PRR30: variants seen among roughly 807,000 people sequenced by gnomAD.
PRR30 encodes proline-rich protein 30.
For missense variants in PRR30, 546 were observed against 525.3 expected (o/e 1.04, Z -0.39); for synonymous variants, 229 against 222.7 (o/e 1.03, Z -0.25).
Position 27,137,136 on chromosome 2 carries a change from C to A in PRR30, c.1194G>T (p.Lys398Asn). Residue 398 changes from lysine to asparagine, a missense_variant, in exon 3 of 3, where the codon AAG (lysine) becomes AAT (asparagine). Lys to Asn is a moderately conservative substitution (Grantham distance 94). Transcript: ENST00000335524. The surrounding 1 kb of genome is among the most constrained non-coding windows in gnomAD (Gnocchi z 4.3). ...GAATGAGCTCCAGAGAAACTGGCCTCTTTGGGCCAGGGCAAGGCCTGGGCT... is the reference window on the plus strand; with the variant it reads ...GAATGAGCTCCAGAGAAACTGGCCTATTTGGGCCAGGGCAAGGCCTGGGCT... ...SLKPRPCPGPKRPVSLELILQ... is the reference protein window; with the variant it reads ...SLKPRPCPGPNRPVSLELILQ... The A allele has an allele frequency of 6.2e-7, 1 of 1,614,170 alleles. No homozygotes were observed. The highest frequency in any genetic ancestry group is 1.1e-5 in the South Asian group (1 of 91,086).
In PRR30 at chr2:27,137,684, C is replaced by G; in HGVS notation, c.646G>C (p.Val216Leu). Residue 216 changes from valine (V) to leucine (L), a missense_variant, in exon 3 of 3, where the codon GTG becomes CTG. By Grantham distance (32) the Val-to-Leu change is conservative. Coordinates refer to ENST00000335524, the MANE Select transcript of PRR30 (RefSeq NM_178553.4). This position sits in a 1 kb window ranked among gnomAD's most constrained non-coding sequence, Gnocchi z 4.3. ...ATGCGGCGGTGCCCCAGCTGGACCA[C>G]CAGGGCCTGGGCCAGGGCCCCTGGG... ...RDPGALAQAL[V>L]VQLGHRRIAH... 1 of 1,613,258 alleles carries G rather than the reference C, an allele frequency of 6.2e-7. No individual in the cohort carries two copies. Among genetic ancestry groups the G allele is most frequent in the Non-Finnish European group, 8.5e-7 (1 of 1,179,942 alleles).
chr2:27,137,522 T>C lies in PRR30; in HGVS notation c.808A>G (p.Thr270Ala), dbSNP rs1395817229. ...SPSCPLPRYRTGPRLLAFPQL... is the reference protein window; with the variant it reads ...SPSCPLPRYRAGPRLLAFPQL... ...GGGAAAGCAAGCAGCCGGGGTCCAG[T>C]CCTGTACCTGGGGAGGGGGCAGGAG... Residue 270 changes from threonine (T) to alanine (A), a missense_variant, in exon 3 of 3, where the codon ACT becomes GCT. Coordinates refer to ENST00000335524, the MANE Select transcript of PRR30 (RefSeq NM_178553.4). This position sits in a 1 kb window ranked among gnomAD's most constrained non-coding sequence, Gnocchi z 4.3. The C allele has an allele frequency of 6.3e-7, 1 of 1,593,264 alleles. No individual in the cohort carries two copies.
Position 27,137,792 on chromosome 2 carries a change from G to T in PRR30, c.538C>A (p.Gln180Lys). 6.2e-7 allele frequency: 1 copy of T among 1,607,678 alleles called. No homozygotes were observed. The change falls in exon 3 of 3, where the codon CAG becomes AAG. Residue 180 changes from glutamine to lysine, a missense_variant. By Grantham distance (53) the Gln-to-Lys change is moderately conservative. Coordinates refer to ENST00000335524, the MANE Select transcript of PRR30 (RefSeq NM_178553.4). This position sits in a 1 kb window ranked among gnomAD's most constrained non-coding sequence, Gnocchi z 4.3. Reference protein sequence around the residue: ...HSNRQTWRWHQYRDTGSGSPG... With the variant: ...HSNRQTWRWHKYRDTGSGSPG... ...GACCCGGACCCAGTGTCCCTGTACT[G>T]ATGCCAGCGCCATGTCTGCCTGTTA...
In PRR30 at chr2:27,137,995, G is replaced by A; in HGVS notation, c.335C>T (p.Ser112Phe). ...GGGGTACAGCCAGTGGTTGGAGGGAGAGGATGCACGTGGACGGGGGAGAGA... is the reference window on the plus strand; with the variant it reads ...GGGGTACAGCCAGTGGTTGGAGGGAAAGGATGCACGTGGACGGGGGAGAGA... The part of the protein sequence containing the change: ...YLSLPRPRAS[S>F]PSNHWLYPSP... The change falls in exon 3 of 3, where the codon TCT (serine) becomes TTT (phenylalanine). Residue 112 changes from serine to phenylalanine, a missense_variant. Transcript: ENST00000335524. The surrounding 1 kb of genome is among the most constrained non-coding windows in gnomAD (Gnocchi z 4.3). 1 of 1,612,784 alleles carries A rather than the reference G, an allele frequency of 6.2e-7. No homozygotes were observed. The highest frequency in any genetic ancestry group is 1.1e-5 in the South Asian group (1 of 90,944).
chr2:27,137,849 C>T lies in PRR30; in HGVS notation c.481G>A (p.Gly161Ser), dbSNP rs781222541. Reference protein sequence around the residue: ...ELHSSTLTSPGPSPPSHRLHS... With the variant: ...ELHSSTLTSPSPSPPSHRLHS... ...AGCCTATGAGAAGGTGGGCTGGGGCCTGGGGAAGTGAGTGTGGAGCTATGC... is the reference window on the plus strand; with the variant it reads ...AGCCTATGAGAAGGTGGGCTGGGGCTTGGGGAAGTGAGTGTGGAGCTATGC... The change falls in exon 3 of 3, where the codon GGC (glycine) becomes AGC (serine). Residue 161 changes from glycine to serine, a missense_variant. Coordinates refer to ENST00000335524, the MANE Select transcript of PRR30 (RefSeq NM_178553.4). The surrounding 1 kb of genome is among the most constrained non-coding windows in gnomAD (Gnocchi z 4.3). The T allele has an allele frequency of 3.8e-6, 6 of 1,595,636 alleles. No individual in the cohort carries two copies. Among genetic ancestry groups the T allele is most frequent in the Non-Finnish European group, 5.1e-6 (6 of 1,168,684 alleles).
chr2:27,137,416 C>G lies in PRR30; in HGVS notation c.914G>C (p.Gly305Ala). 1.9e-6 allele frequency: 3 copies of G among 1,613,430 alleles called. No homozygotes were observed. Among genetic ancestry groups the G allele is most frequent in the Non-Finnish European group, 2.5e-6 (3 of 1,179,984 alleles). ...CAGCAGATGCAAGGCCCTGGCCTGGCCCTGAGGCAGGCGGAGGCCGAAGCC... is the reference window on the plus strand; with the variant it reads ...CAGCAGATGCAAGGCCCTGGCCTGGGCCTGAGGCAGGCGGAGGCCGAAGCC... ...GIGFGLRLPQ[G>A]QARALHLLPE... Residue 305 changes from glycine to alanine, a missense_variant, in exon 3 of 3, where the codon GGC becomes GCC. Transcript: ENST00000335524. This position sits in a 1 kb window ranked among gnomAD's most constrained non-coding sequence, Gnocchi z 4.3.
chr2:27,137,129 C>T lies in PRR30; in HGVS notation c.1201G>A (p.Val401Ile). 1 of 1,614,190 alleles carries T rather than the reference C, an allele frequency of 6.2e-7. No homozygotes were observed. Among genetic ancestry groups the T allele is most frequent in the Non-Finnish European group, 8.5e-7 (1 of 1,180,032 alleles). ...PRPCPGPKRP[V>I]SLELILQKSS... ...TTTTGGAGAATGAGCTCCAGAGAAA[C>T]TGGCCTCTTTGGGCCAGGGCAAGGC... The change falls in exon 3 of 3, where the codon GTT becomes ATT. Residue 401 changes from valine (V) to isoleucine (I), a missense_variant. Val to Ile is a conservative substitution (Grantham distance 29). Coordinates refer to ENST00000335524, the MANE Select transcript of PRR30 (RefSeq NM_178553.4). The surrounding 1 kb of genome is among the most constrained non-coding windows in gnomAD (Gnocchi z 4.3).
rs760470470 is a variant in PRR30, at chr2:27,138,330, C to G, written c.-1G>C. 6.3e-7 allele frequency: 1 copy of G among 1,590,148 alleles called. No homozygotes were observed. Among genetic ancestry groups the G allele is most frequent in the East Asian group, 2.2e-5 (1 of 44,564 alleles). On this transcript the variant is annotated 5_prime_UTR_variant, in exon 3 of 3. Transcript: ENST00000335524. Reference sequence around the variant, plus strand: ...CCTGGTCCTTGTTTTGAGGCAACATCGCCTTGAATCCAGAAGGAACTGGGG... The same window carrying G: ...CCTGGTCCTTGTTTTGAGGCAACATGGCCTTGAATCCAGAAGGAACTGGGG...
In PRR30 at chr2:27,137,619, C is replaced by G; in HGVS notation, c.711G>C (p.Trp237Cys). The change falls in exon 3 of 3, where the codon TGG (tryptophan) becomes TGC (cysteine). Residue 237 changes from tryptophan to cysteine, a missense_variant. By Grantham distance (215) the Trp-to-Cys change is radical (BLOSUM62 -2). Coordinates refer to ENST00000335524, the MANE Select transcript of PRR30 (RefSeq NM_178553.4). This position sits in a 1 kb window ranked among gnomAD's most constrained non-coding sequence, Gnocchi z 4.3. ...DLRLLLLQHL[W>C]LGRTGQAPVV... is the part of the protein sequence containing the mutation. The stretch of plus-strand genomic sequence containing the variant: ...CTGGGGCCTGGCCGGTTCTGCCTAG[C>G]CACAGGTGCTGCAAAAGCAGTAGCC... 6.2e-7 allele frequency: 1 copy of G among 1,611,682 alleles called. No homozygotes were observed. Among genetic ancestry groups the G allele is most frequent in the South Asian group, 1.1e-5 (1 of 90,946 alleles).
chr2:27,137,348 T>C lies in PRR30; in HGVS notation c.982A>G (p.Thr328Ala), dbSNP rs369892953. Residue 328 changes from threonine (T) to alanine (A), a missense_variant, in exon 3 of 3, where the codon ACT (threonine) becomes GCT (alanine). Thr to Ala is a moderately conservative substitution (Grantham distance 58, BLOSUM62 0). Coordinates refer to ENST00000335524, the MANE Select transcript of PRR30 (RefSeq NM_178553.4). This position sits in a 1 kb window ranked among gnomAD's most constrained non-coding sequence, Gnocchi z 4.3. ...PKEAGPQGKA[T>A]QACGHQLPAS... Reference sequence around the variant, plus strand: ...GGCAATTGATGCCCACAGGCCTGAGTAGCCTTGCCCTGAGGCCCTGCTTCC... The same window carrying C: ...GGCAATTGATGCCCACAGGCCTGAGCAGCCTTGCCCTGAGGCCCTGCTTCC... 12 of 1,613,968 alleles carry C rather than the reference T, an allele frequency of 7.4e-6. No individual in the cohort carries two copies. The highest frequency in any genetic ancestry group is 1.0e-5 in the Non-Finnish European group (12 of 1,180,012).
intron 1 of PRR30, 47 bp downstream of exon 1, chr2:27,139,256 C>T (rs966135006): frequency 2.0e-5 from 3 of 152,526 alleles, no homozygotes; most frequent in Admixed American, 2.0e-4. Context: ...CCCTTATTGC[C>T]CCTAGTGCTG....
At chr2:27,139,172 G>A (rs1672563925) in intron 1 of PRR30, 131 bp downstream of exon 1, 1 of 152,452 alleles carries the variant, frequency 6.6e-6, no homozygotes, top group South Asian at 2.1e-4. Context: ...CTGTGGTACA[G>A]ATTTTTATTC....
Position 27,137,755 on chromosome 2 carries a change from A to T in PRR30, c.575T>A (p.Val192Glu). Reference protein sequence around the residue: ...RDTGSGSPGVVERCVPSEKDP... With the variant: ...RDTGSGSPGVEERCVPSEKDP... ...CTTCTCGCTTGGCACGCATCTCTCCACCACTCCAGGGGACCCGGACCCAGT... is the reference window on the plus strand; with the variant it reads ...CTTCTCGCTTGGCACGCATCTCTCCTCCACTCCAGGGGACCCGGACCCAGT... Residue 192 changes from valine (V) to glutamate (E), a missense_variant, in exon 3 of 3, where the codon GTG (valine) becomes GAG (glutamate). By Grantham distance (121) the Val-to-Glu change is moderately radical. Transcript: ENST00000335524. The surrounding 1 kb of genome is among the most constrained non-coding windows in gnomAD (Gnocchi z 4.3). 6.2e-7 allele frequency: 1 copy of T among 1,613,806 alleles called. No homozygotes were observed. The highest frequency in any genetic ancestry group is 1.1e-5 in the South Asian group (1 of 91,058).
In PRR30 at chr2:27,138,134, A is replaced by T. The variant is rs550077691; in HGVS notation, c.196T>A (p.Ser66Thr). ...SRRPSSPPPA[S>T]PSPGFQFGSC... ...CCGAATTGGAAGCCAGGAGAGGGGGATGCTGGTGGAGGGGAGGAGGGACGA... is the reference window on the plus strand; with the variant it reads ...CCGAATTGGAAGCCAGGAGAGGGGGTTGCTGGTGGAGGGGAGGAGGGACGA... The change falls in exon 3 of 3, where the codon TCC becomes ACC. Residue 66 changes from serine to threonine, a missense_variant. Physicochemically the swap from Ser to Thr is moderately conservative, Grantham distance 58. Coordinates refer to ENST00000335524, the MANE Select transcript of PRR30 (RefSeq NM_178553.4). 286 of 1,613,614 alleles carry T rather than the reference A, an allele frequency of 1.8e-4. No homozygotes were observed. The highest frequency in any genetic ancestry group is 2.2e-4 in the Non-Finnish European group (258 of 1,179,944).
chr2:27,138,171 G>A lies in PRR30; in HGVS notation c.159C>T (p.Ser53=). 6.2e-7 allele frequency: 1 copy of A among 1,613,942 alleles called. No homozygotes were observed. The highest frequency in any genetic ancestry group is 8.5e-7 in the Non-Finnish European group (1 of 1,179,944). The change falls in exon 3 of 3, where the codon TCC becomes TCT. Residue 53 remains serine (S), a synonymous_variant. Transcript: ENST00000335524. ...GLPPSQPPFS[S]TQSRRPSSPP... ...GGGAGGAGGGACGACGGGACTGAGTGGAAGAGAACGGTGGTTGAGAGGGAG... is the reference window on the plus strand; with the variant it reads ...GGGAGGAGGGACGACGGGACTGAGTAGAAGAGAACGGTGGTTGAGAGGGAG...
rs1159591743 is a variant in PRR30, at chr2:27,137,761, C to A, written c.569G>T (p.Gly190Val). 1 of 1,613,728 alleles carries A rather than the reference C, an allele frequency of 6.2e-7. No homozygotes were observed. The highest frequency in any genetic ancestry group is 1.1e-5 in the South Asian group (1 of 91,062). The change falls in exon 3 of 3, where the codon GGA becomes GTA. Residue 190 changes from glycine to valine, a missense_variant. Physicochemically the swap from Gly to Val is moderately radical, Grantham distance 109. Transcript: ENST00000335524. This position sits in a 1 kb window ranked among gnomAD's most constrained non-coding sequence, Gnocchi z 4.3. Reference protein sequence around the residue: ...QYRDTGSGSPGVVERCVPSEK... With the variant: ...QYRDTGSGSPVVVERCVPSEK... ...GCTTGGCACGCATCTCTCCACCACT[C>A]CAGGGGACCCGGACCCAGTGTCCCT...
In PRR30 at chr2:27,138,139, G is replaced by T; in HGVS notation, c.191C>A (p.Pro64Gln). ...TTGGAAGCCAGGAGAGGGGGATGCT[G>T]GTGGAGGGGAGGAGGGACGACGGGA... The part of the protein sequence containing the change: ...TQSRRPSSPP[P>Q]ASPSPGFQFG... Residue 64 changes from proline to glutamine, a missense_variant, in exon 3 of 3, where the codon CCA becomes CAA. By Grantham distance (76) the Pro-to-Gln change is moderately conservative. Coordinates refer to ENST00000335524, the MANE Select transcript of PRR30 (RefSeq NM_178553.4). 1 of 1,614,010 alleles carries T rather than the reference G, an allele frequency of 6.2e-7. No individual in the cohort carries two copies. Among genetic ancestry groups the T allele is most frequent in the Non-Finnish European group, 8.5e-7 (1 of 1,179,992 alleles).
chr2:27,138,390 A>G lies in PRR30; in HGVS notation c.-61T>C. On this transcript the variant is annotated 5_prime_UTR_variant, in exon 3 of 3. Transcript: ENST00000335524. ...TAGGGATAAGAGACCTGGCAGAGTC[A>G]GGACCAGTATCTCTGAGGTCAGCTG... 2.0e-6 allele frequency: 3 copies of G among 1,528,640 alleles called. No individual in the cohort carries two copies. Among genetic ancestry groups the G allele is most frequent in the South Asian group, 2.6e-5 (2 of 76,782 alleles). 94.7% of individuals were successfully genotyped at this position (1,528,640 alleles called of 1,614,324 possible). A position where few individuals can be genotyped will look rare whatever the true frequency, so the allele number is the denominator to read the frequency against.
At position 27,138,582 on chromosome 2, in the gene PRR30, T is replaced by C; in HGVS notation, c.-253A>G. The stretch of plus-strand genomic sequence containing the variant: ...AGCTTGGCTTCTCACTTCTTTGCAG[T>C]CAACCATTGATGAGGGATGTGTGGG... On this transcript the variant is annotated 5_prime_UTR_variant, in exon 3 of 3. Coordinates refer to ENST00000335524, the MANE Select transcript of PRR30 (RefSeq NM_178553.4). 1.8e-6 allele frequency: 1 copy of C among 562,706 alleles called. No homozygotes were observed. Among genetic ancestry groups the C allele is most frequent in the Non-Finnish European group, 2.9e-6 (1 of 343,060 alleles). 34.9% of individuals were successfully genotyped at this position (562,706 alleles called of 1,614,324 possible).
Sources: gnomAD v4.1 joint callset for allele counts on GRCh38, gnomAD v4.1.1 for gene constraint, Gnocchi (gnomAD v3.1) non-coding constraint, MANE v1.5 for transcripts, NCBI Gene and HGNC (gene_info 2026-07-23, HGNC 2026-07-21) for gene names.